MED29: variants seen among roughly 807,000 people sequenced by gnomAD.
MED29 encodes mediator complex subunit 29.
In MED29, 14 loss-of-function variants were observed where a neutral mutation model predicts 22.0. The observed-to-expected ratio is 0.64, with a 90% confidence interval of 0.42 to 0.99. MED29 has a LOEUF of 0.99. Ranked by LOEUF, MED29 falls within the 50% of genes least tolerant of loss-of-function variation. The probability of loss-of-function intolerance (pLI) is 0.00; values close to 1 mark genes in which losing one functional copy is unlikely to be tolerated. For synonymous variants in MED29, 123 were observed against 107.8 expected, an observed-to-expected ratio of 1.14 and a Z score of -0.87; for missense variants, 241 against 253.7, an observed-to-expected ratio of 0.95 and a Z score of 0.34.
intron 3 of MED29, among the ~76,000 whole-genome samples, chr19:39,395,537 G>A (rs10402122): frequency 0.42 from 63,962 of 151,972 alleles, 14,520 homozygotes; most frequent in African/African-American, 0.57. Flanking sequence ...GAGAGGCTTC[G>A]TGTGCAGGGC....
chr19:39,397,614 A>C lies in MED29; in HGVS notation c.518A>C (p.Asp173Ala). 6.2e-7 allele frequency: 1 copy of C among 1,613,780 alleles called. No homozygotes were observed. The highest frequency in any genetic ancestry group is 1.1e-5 in the South Asian group (1 of 91,084). Residue 173 changes from aspartate (D) to alanine (A), a missense_variant, in exon 4 of 4, where the codon GAC (aspartate) becomes GCC (alanine). Asp to Ala is a moderately radical substitution (Grantham distance 126, BLOSUM62 -2). Coordinates refer to ENST00000315588, the MANE Select transcript of MED29 (RefSeq NM_017592.4). ...AAAGCCCAGATTTCCTGTGCCAAGG[A>C]CATTCACACCGCCCTGCTGGACTGT... ...VIKAQISCAKDIHTALLDCAN... is the reference protein window; with the variant it reads ...VIKAQISCAKAIHTALLDCAN...
intron 2 of MED29, among the ~76,000 whole-genome samples, chr19:39,393,243 G>A (rs574442016): frequency 1.3e-3 from 192 of 151,474 alleles, no homozygotes; most frequent in African/African-American, 3.8e-3. Flanking sequence ...CTACAGGCGC[G>A]TGCCAGCACA....
chr19:39,397,373 C>T lies in MED29; in HGVS notation c.361-84C>T. On this transcript the variant is annotated intron_variant, in intron 3 of 3. Coordinates refer to ENST00000315588, the MANE Select transcript of MED29 (RefSeq NM_017592.4). ...AGACCTGGGAAATCCAGAGGCCAAG[C>T]CGACAACCCCCAGCTGGCCCTTGGG... The T allele has an allele frequency of 2.0e-6, 3 of 1,464,238 alleles. No homozygotes were observed. The South Asian group carries it at 3.7e-5, about 18-fold the overall frequency. 90.7% of individuals were successfully genotyped at this position (1,464,238 alleles called of 1,614,324 possible).
Position 39,391,598 on chromosome 19 carries a change from G to A in MED29, c.176G>A (p.Arg59His). Residue 59 changes from arginine to histidine, a missense_variant, in exon 1 of 4, where the codon CGT (arginine) becomes CAT (histidine). Physicochemically the swap from Arg to His is conservative, Grantham distance 29. Transcript: ENST00000315588. ...QQQQDFDPVQ[R>H]YKMLIPQLKE... is the part of the protein sequence containing the mutation. ...CAACAGGACTTCGATCCTGTGCAGC[G>A]TTATAAGATGCTCATCCCGCAGCTG... 6.2e-7 allele frequency: 1 copy of A among 1,609,522 alleles called. No homozygotes were observed. The highest frequency in any genetic ancestry group is 8.5e-7 in the Non-Finnish European group (1 of 1,177,250).
chr19:39,391,407 G>A lies in MED29; in HGVS notation c.-16G>A, dbSNP rs1600620305. 1.2e-5 allele frequency: 19 copies of A among 1,608,304 alleles called. No individual in the cohort carries two copies. Among genetic ancestry groups the A allele is most frequent in the Non-Finnish European group, 1.5e-5 (18 of 1,175,296 alleles). Reference sequence around the variant, plus strand: ...GACGCAGTCGTAACGCACTTCCGGCGGTCTACGCGAGGAAGATGGCTGCAT... The same window carrying A: ...GACGCAGTCGTAACGCACTTCCGGCAGTCTACGCGAGGAAGATGGCTGCAT... On this transcript the variant is annotated 5_prime_UTR_variant, in exon 1 of 4. Transcript: ENST00000315588.
intron 3 of MED29, among the ~76,000 whole-genome samples, chr19:39,393,855 C>T (rs1000670012): frequency 3.3e-5 from 5 of 152,198 alleles, no homozygotes; most frequent in African/African-American, 1.2e-4. Flanking sequence ...AGTGACAGCT[C>T]AGAGTGGTCA....
intron 1 of MED29, 25 bp from the exon 2 acceptor site, chr19:39,392,439 C>T: frequency 5.0e-6 from 8 of 1,610,428 alleles, no homozygotes; most frequent in Non-Finnish European, 5.9e-6. Context: ...CCATTTCCCA[C>T]GTGTTTTGTT....
intron 3 of MED29, among the ~76,000 whole-genome samples, chr19:39,395,179 G>A (rs2078421791): frequency 6.6e-6 from 1 of 152,138 alleles, no homozygotes; most frequent in Non-Finnish European, 1.5e-5. Context: ...GTGGGAGGTT[G>A]AGAAGCTTGG....
rs1447102946 is a variant in MED29 at position 39,399,948 on chromosome 19, G to A, written c.*2249G>A. 6.6e-6 allele frequency: 1 copy of A among 152,246 alleles called. No homozygotes were observed. Among genetic ancestry groups the A allele is most frequent in the Non-Finnish European group, 1.5e-5 (1 of 68,048 alleles). 9.4% of individuals were successfully genotyped at this position (152,246 alleles called of 1,614,324 possible). A position where few individuals can be genotyped will look rare whatever the true frequency, so the allele number is the denominator to read the frequency against. ...ACAGGGCGGAGGTGGGCACCACTGAGTTGCACTCAGCAAACACATTGGGTA... is the reference window on the plus strand; with the variant it reads ...ACAGGGCGGAGGTGGGCACCACTGAATTGCACTCAGCAAACACATTGGGTA... On this transcript the variant is annotated 3_prime_UTR_variant, in exon 4 of 4. Transcript: ENST00000315588.
chr19:39,397,453 A>T lies in MED29; in HGVS notation c.361-4A>T, dbSNP rs374580249. Reference sequence around the variant, plus strand: ...ATGCTGTCCCCTTGCCTGCCTGTCCACAGCGCCTGGCGCATGAGTGCCTGT... The same window carrying T: ...ATGCTGTCCCCTTGCCTGCCTGTCCTCAGCGCCTGGCGCATGAGTGCCTGT... On this transcript the variant is annotated splice_region_variant and splice_polypyrimidine_tract_variant and intron_variant, in intron 3 of 3. Transcript: ENST00000315588. The T allele has an allele frequency of 1.4e-5, 23 of 1,601,616 alleles. No homozygotes were observed. The South Asian group carries it at 2.4e-4, about 17-fold the overall frequency.
In MED29 at chr19:39,399,852, T is replaced by G. The variant is rs2078452419; in HGVS notation, c.*2153T>G. 6.6e-6 allele frequency: 1 copy of G among 152,044 alleles called. No homozygotes were observed. Among genetic ancestry groups the G allele is most frequent in the African/African-American group, 2.4e-5 (1 of 41,382 alleles). The allele number at this position is 152,044 out of a possible 1,614,324, so 9.4% of individuals were successfully genotyped here. On this transcript the variant is annotated 3_prime_UTR_variant, in exon 4 of 4. Coordinates refer to ENST00000315588, the MANE Select transcript of MED29 (RefSeq NM_017592.4). ...CCATGATACAGGGCCTACCAATGCT[T>G]AAAACCACACCCAGGGAGCCCACAG...
In MED29 at chr19:39,399,568, C is replaced by T. The variant is rs1568380862; in HGVS notation, c.*1869C>T. On this transcript the variant is annotated 3_prime_UTR_variant, in exon 4 of 4. Transcript: ENST00000315588. Reference sequence around the variant, plus strand: ...AAAAAACTGACCATCTAGTCCTTGTCATCTGGGCACCCTCACACATCTCCT... The same window carrying T: ...AAAAAACTGACCATCTAGTCCTTGTTATCTGGGCACCCTCACACATCTCCT... 6.6e-6 allele frequency: 1 copy of T among 152,284 alleles called. No homozygotes were observed. Among genetic ancestry groups the T allele is most frequent in the Admixed American group, 6.5e-5 (1 of 15,274 alleles). 9.4% of individuals were successfully genotyped at this position (152,284 alleles called of 1,614,324 possible).
chr19:39,400,086 G>A lies in MED29; in HGVS notation c.*2387G>A, dbSNP rs188758948. Reference sequence around the variant, plus strand: ...AAAACAGAAAAATGAGATCAGAAGTGGAGATGTTGGGGCCAGGCACAGTGG... The same window carrying A: ...AAAACAGAAAAATGAGATCAGAAGTAGAGATGTTGGGGCCAGGCACAGTGG... On this transcript the variant is annotated 3_prime_UTR_variant, in exon 4 of 4. Coordinates refer to ENST00000315588, the MANE Select transcript of MED29 (RefSeq NM_017592.4). 2.0e-5 allele frequency: 3 copies of A among 152,330 alleles called. No individual in the cohort carries two copies. Among genetic ancestry groups the A allele is most frequent in the African/African-American group, 4.8e-5 (2 of 41,568 alleles). The allele number at this position is 152,330 out of a possible 1,614,324, so 9.4% of individuals were successfully genotyped here.
At position 39,398,289 on chromosome 19, in the gene MED29, C is replaced by T. The variant is rs1022565269; in HGVS notation, c.*590C>T. Reference sequence around the variant, plus strand: ...AGGGAAGGGACTTCATTTCCAGGGGCCACAGCCAAGCCCAGAGTCCCCCAG... The same window carrying T: ...AGGGAAGGGACTTCATTTCCAGGGGTCACAGCCAAGCCCAGAGTCCCCCAG... On this transcript the variant is annotated 3_prime_UTR_variant, in exon 4 of 4. Transcript: ENST00000315588. The T allele has an allele frequency of 6.4e-6, 1 of 155,218 alleles. No individual in the cohort carries two copies. Among genetic ancestry groups the T allele is most frequent in the Admixed American group, 6.4e-5 (1 of 15,520 alleles). 9.6% of individuals were successfully genotyped at this position (155,218 alleles called of 1,614,324 possible). A position where few individuals can be genotyped will look rare whatever the true frequency, so the allele number is the denominator to read the frequency against.
chr19:39,392,366 A>G, intron 1 of MED29, 98 bp from the exon 2 acceptor site: 1 of 1,099,826 alleles, frequency 9.1e-7, no homozygotes. Flanking sequence ...TGAAAAGAAA[A>G]CCTGAGACTG....
chr19:39,393,071 TCTTTCTTTTC>T (rs1568378119), intron 2 of MED29, among the ~76,000 whole-genome samples: 45 of 105,470 alleles, frequency 4.3e-4, no homozygotes, highest in South Asian at 3.4e-3. Flanking sequence ...TTTCTTTCTT[TCTTTCTTTTC>T]TTTTTTTTTT....
At chr19:39,392,771 A>G (rs1304771982) in intron 2 of MED29, 2 of 482,328 alleles carry the variant, frequency 4.1e-6, no homozygotes, top group Non-Finnish European at 7.3e-6. Context: ...GACTACAGAC[A>G]TGGCTACAGA....
chr19:39,391,755 T>C, intron 1 of MED29, 117 bp downstream of exon 1: 1 of 1,272,694 alleles, frequency 7.9e-7, no homozygotes, highest in Non-Finnish European at 1.1e-6. Flanking sequence ...CCTGCTGTTT[T>C]GGCCTGGCTG....
At position 39,391,530 on chromosome 19, in the gene MED29, A is replaced by G. The variant is rs1600620806; in HGVS notation, c.108A>G (p.Ala36=). The G allele has an allele frequency of 3.1e-6, 5 of 1,613,758 alleles. No homozygotes were observed. Among genetic ancestry groups the G allele is most frequent in the Non-Finnish European group, 4.2e-6 (5 of 1,179,996 alleles). Residue 36 remains alanine (A), a synonymous_variant, in exon 1 of 4, where the codon GCA becomes GCG. Coordinates refer to ENST00000315588, the MANE Select transcript of MED29 (RefSeq NM_017592.4). ...PGPQQQPQPP[A]QLVGPAQSGL... is the part of the protein sequence containing the mutation. ...CCCAGCAGCAGCCGCAACCGCCAGC[A>G]CAACTGGTGGGCCCTGCCCAGAGCG...
Sources: allele counts gnomAD v4.1 joint callset (sites outside exome capture counted in the v4.1 genomes callset), GRCh38; gene constraint gnomAD v4.1.1; transcripts MANE v1.5; gene names NCBI Gene and HGNC (gene_info 2026-07-23, HGNC 2026-07-21).